Variants in ANKRD33 observed in about 807,000 individuals in gnomAD.
ANKRD33 encodes ankyrin repeat domain 33.
Under a neutral mutation model 20.6 loss-of-function variants are expected in ANKRD33, and 20 were observed. The ratio of observed to expected loss-of-function variants is 0.97; its 90% CI spans 0.68 to 1.41. ANKRD33 has a LOEUF of 1.41. Ranked by LOEUF, ANKRD33 falls within the 40% of genes most tolerant of loss-of-function variation. The pLI is 0.00. For missense variants in ANKRD33, 545 were observed against 579.6 expected (o/e 0.94, Z 0.61); for synonymous variants, 246 against 245.0 (o/e 1.00, Z -0.04).
rs1940425912 is a variant in ANKRD33 at position 51,891,407 on chromosome 12, A to G, written c.*102A>G. 1.4e-6 allele frequency: 2 copies of G among 1,462,672 alleles called. No individual in the cohort carries two copies. Among genetic ancestry groups the G allele is most frequent in the African/African-American group, 1.4e-5 (1 of 70,212 alleles). 90.6% of individuals were successfully genotyped at this position (1,462,672 alleles called of 1,614,324 possible). On this transcript the variant is annotated 3_prime_UTR_variant, in exon 5 of 5. Coordinates refer to ENST00000301190, the MANE Select transcript of ANKRD33 (RefSeq NM_182608.4). ...CGGCCTCCCCATCCACCTCTGCCTA[A>G]GTAAATCTGCTCTCAACCTATATAT...
rs768026956 is a variant in ANKRD33 at position 51,888,612 on chromosome 12, C to T, written c.190C>T (p.Leu64=). The T allele has an allele frequency of 6.4e-7, 1 of 1,574,488 alleles. No homozygotes were observed. The highest frequency in any genetic ancestry group is 1.4e-5 in the African/African-American group (1 of 73,308). The part of the protein sequence containing the change: ...RKGTHLLVPC[L]EEEELALHRR... ...AGGGACTCACCTTCTGGTTCCCTGC[C>T]TGGAAGAGGAAGAGCTGGCATTGCA... Residue 64 remains leucine (L), a synonymous_variant, in exon 2 of 5, where the codon CTG becomes TTG. Coordinates refer to ENST00000301190, the MANE Select transcript of ANKRD33 (RefSeq NM_182608.4).
chr12:51,888,793 C>T lies in ANKRD33; in HGVS notation c.371C>T (p.Ala124Val), dbSNP rs959416311. Residue 124 changes from alanine (A) to valine (V), a missense_variant, in exon 2 of 5, where the codon GCC becomes GTC. Ala to Val is a moderately conservative substitution (Grantham distance 64). Coordinates refer to ENST00000301190, the MANE Select transcript of ANKRD33 (RefSeq NM_182608.4). Reference sequence around the variant, plus strand: ...GATGGTGGGGTCTCCCCAGAGGAGGCCACCCAGGTGGACAGCAATGGGAGG... The same window carrying T: ...GATGGTGGGGTCTCCCCAGAGGAGGTCACCCAGGTGGACAGCAATGGGAGG... ...ILDGGVSPEE[A>V]TQVDSNGRTG... 3 of 1,613,638 alleles carry T rather than the reference C, an allele frequency of 1.9e-6. No homozygotes were observed. Among genetic ancestry groups the T allele is most frequent in the African/African-American group, 2.7e-5 (2 of 74,944 alleles).
chr12:51,888,755 C>T lies in ANKRD33; in HGVS notation c.333C>T (p.Leu111=). Residue 111 remains leucine (L), a synonymous_variant, in exon 2 of 5, where the codon CTC becomes CTT. Transcript: ENST00000301190. ...WACVHNDPTQ[L]QAILDGGVSP... is the part of the protein sequence containing the mutation. ...GTGTCCACAATGATCCCACCCAGCT[C>T]CAAGCCATACTGGATGGTGGGGTCT... is the stretch of plus-strand genomic sequence containing the variant. The T allele has an allele frequency of 6.2e-7, 1 of 1,614,052 alleles. No homozygotes were observed. The highest frequency in any genetic ancestry group is 1.1e-5 in the South Asian group (1 of 91,084).
intron 4 of ANKRD33, chr12:51,890,129 G>T: frequency 3.9e-6 from 1 of 259,698 alleles, no homozygotes; most frequent in Middle Eastern, 1.5e-3. Context: ...GAAAAAGGAG[G>T]GCGCTCTACA....
rs1003799045 is a variant in ANKRD33, at chr12:51,890,864, C to T, written c.918C>T (p.Asp306=). 1.9e-6 allele frequency: 3 copies of T among 1,613,210 alleles called. No homozygotes were observed. The South Asian group carries it at 3.3e-5, about 18-fold the overall frequency. Residue 306 remains aspartate (D), a synonymous_variant, in exon 5 of 5, where the codon GAC becomes GAT. Transcript: ENST00000301190. ...APSPQEGGVL[D]HLVTATTSLA... is the part of the protein sequence containing the mutation. The stretch of plus-strand genomic sequence containing the variant: ...CTCCTCAGGAGGGGGGTGTTCTGGA[C>T]CACCTTGTGACTGCCACAACCAGCC...
Position 51,889,428 on chromosome 12 carries a change from C to T in ANKRD33, c.583C>T (p.Arg195Cys), listed in dbSNP as rs1349800263. 6.2e-6 allele frequency: 10 copies of T among 1,614,064 alleles called. No individual in the cohort carries two copies. Among genetic ancestry groups the T allele is most frequent in the South Asian group, 5.5e-5 (5 of 91,078 alleles). The part of the protein sequence containing the change: ...LNYYVGLDLE[R>C]RDQRGLTALM... Reference sequence around the variant, plus strand: ...CTACTATGTGGGCCTGGACCTGGAACGCCGGGACCAGCGGGGGCTCACGGC... The same window carrying T: ...CTACTATGTGGGCCTGGACCTGGAATGCCGGGACCAGCGGGGGCTCACGGC... Residue 195 changes from arginine to cysteine, a missense_variant, in exon 4 of 5, where the codon CGC becomes TGC. Arg to Cys is a radical substitution (Grantham distance 180, BLOSUM62 -3). Coordinates refer to ENST00000301190, the MANE Select transcript of ANKRD33 (RefSeq NM_182608.4).
chr12:51,888,209 C>T lies in ANKRD33; in HGVS notation c.23C>T (p.Thr8Ile), dbSNP rs776330102. 24 of 1,614,066 alleles carry T rather than the reference C, an allele frequency of 1.5e-5. No homozygotes were observed. The highest frequency in any genetic ancestry group is 1.6e-4 in the Middle Eastern group (1 of 6,084). Residue 8 changes from threonine to isoleucine, a missense_variant, in exon 1 of 5, where the codon ACC (threonine) becomes ATC (isoleucine). Transcript: ENST00000301190. ...TTTATGAAAGTCCAGCCATCTGTTA[C>T]CTGCGTTGCTTCCTGGGGAGGGATA... is the stretch of plus-strand genomic sequence containing the variant. Reference protein sequence around the residue: MKVQPSVTCVASWGGIVH... With the variant: MKVQPSVICVASWGGIVH...
Position 51,888,234 on chromosome 12 carries a change from AG to A in ANKRD33, c.49del (p.Val17SerfsTer10). 1 of 1,614,138 alleles carries A rather than the reference AG, an allele frequency of 6.2e-7. No individual in the cohort carries two copies. The highest frequency in any genetic ancestry group is 8.5e-7 in the Non-Finnish European group (1 of 1,179,996). On this transcript the variant is annotated frameshift_variant, in exon 1 of 5. Coordinates refer to ENST00000301190, the MANE Select transcript of ANKRD33 (RefSeq NM_182608.4). ...CCTGCGTTGCTTCCTGGGGAGGGAT[AG>A]TCCACCTGGAGGCATTCGGAGACCC... ...VTCVASWGGIVHLEAFGDPVI... is the reference protein window; with the variant it reads ...VTCVASWGGIXHLEAFGDPVI...
chr12:51,891,096 C>G lies in ANKRD33; in HGVS notation c.1150C>G (p.Leu384Val), dbSNP rs1357512790. The G allele has an allele frequency of 6.2e-7, 1 of 1,614,146 alleles. No homozygotes were observed. ...QSPQGILSKCLQWLQPRDSTS... is the reference protein window; with the variant it reads ...QSPQGILSKCVQWLQPRDSTS... ...CCCTCAGGGCATATTGAGCAAGTGCCTTCAGTGGCTACAACCCAGGGATAG... is the reference window on the plus strand; with the variant it reads ...CCCTCAGGGCATATTGAGCAAGTGCGTTCAGTGGCTACAACCCAGGGATAG... The change falls in exon 5 of 5, where the codon CTT (leucine) becomes GTT (valine). Residue 384 changes from leucine to valine, a missense_variant. Physicochemically the swap from Leu to Val is conservative, Grantham distance 32 (BLOSUM62 1). Coordinates refer to ENST00000301190, the MANE Select transcript of ANKRD33 (RefSeq NM_182608.4).
intron 1 of ANKRD33, 21 bp from the exon 2 acceptor site, chr12:51,888,544 ACTC>A (rs1565583062): frequency 1.3e-6 from 2 of 1,544,954 alleles, no homozygotes; most frequent in South Asian, 1.3e-5. Context: ...GACACTCACT[ACTC>A]CTCTCCATTC....
In ANKRD33 at chr12:51,888,996, G is replaced by T. The variant is rs185884618; in HGVS notation, c.397-71G>T. 8.8e-5 allele frequency: 142 copies of T among 1,607,050 alleles called. No individual in the cohort carries two copies. In the East Asian group the frequency reaches 3.2e-3, roughly 36 times the overall value. On this transcript the variant is annotated intron_variant, in intron 2 of 4. Coordinates refer to ENST00000301190, the MANE Select transcript of ANKRD33 (RefSeq NM_182608.4). ...GGGGCAGGCTCTGGGACAGATATGG[G>T]TTTAGAGGGTGCAAGGGGCCCTGGA...
At position 51,888,346 on chromosome 12, in the gene ANKRD33, C is replaced by T. The variant is rs1381763544; in HGVS notation, c.145+15C>T. On this transcript the variant is annotated intron_variant, in intron 1 of 4. Transcript: ENST00000301190. ...ACGAACCCCAAGTAAGAAAAAACGA[C>T]GACCCTCTCTCCGTGAGTCTCACTG... The T allele has an allele frequency of 1.2e-6, 2 of 1,613,750 alleles. No individual in the cohort carries two copies. Among genetic ancestry groups the T allele is most frequent in the Non-Finnish European group, 1.7e-6 (2 of 1,180,006 alleles).
intron 4 of ANKRD33, chr12:51,889,932 G>C: frequency 8.8e-6 from 2 of 228,056 alleles, no homozygotes; most frequent in South Asian, 1.4e-4. Context: ...AAGTGTCGTT[G>C]AGGCCTGTGG....
At position 51,891,077 on chromosome 12, in the gene ANKRD33, G is replaced by A. The variant is rs777421059; in HGVS notation, c.1131G>A (p.Gln377=). 3.1e-6 allele frequency: 5 copies of A among 1,613,810 alleles called. No individual in the cohort carries two copies. The Admixed American group carries it at 8.3e-5, about 27-fold the overall frequency. Residue 377 remains glutamine, a synonymous_variant, in exon 5 of 5, where the codon CAG becomes CAA. Transcript: ENST00000301190. ...TCTTCGTCCCCTACCAGAGCCCTCAGGGCATATTGAGCAAGTGCCTTCAGT... is the reference window on the plus strand; with the variant it reads ...TCTTCGTCCCCTACCAGAGCCCTCAAGGCATATTGAGCAAGTGCCTTCAGT... The part of the protein sequence containing the change: ...PWVFVPYQSP[Q]GILSKCLQWL...
intron 4 of ANKRD33, chr12:51,889,910 G>C (rs1940356720): frequency 4.3e-6 from 1 of 231,530 alleles, no homozygotes; most frequent in African/African-American, 2.3e-5. Flanking sequence ...CAGGCTTCCA[G>C]GGGATCCAGG....
chr12:51,888,916 CTCCTGCAG>C, intron 2 of ANKRD33, 98 bp downstream of exon 2: 1 of 1,588,624 alleles, frequency 6.3e-7, no homozygotes, highest in South Asian at 1.1e-5. Context: ...GGGGCAATAC[CTCCTGCAG>C]TCCTAAGGAG....
Position 51,891,512 on chromosome 12 carries a change from G to A in ANKRD33, c.*207G>A, listed in dbSNP as rs748980454. ...CGAAGTGTCCATCAGTAAGGGACAG[G>A]CTAGATTGATTACGGATGTAATTGC... On this transcript the variant is annotated 3_prime_UTR_variant, in exon 5 of 5. Transcript: ENST00000301190. The A allele has an allele frequency of 9.9e-5, 81 of 816,508 alleles. No individual in the cohort carries two copies. The highest frequency in any genetic ancestry group is 3.5e-4 in the Admixed American group (12 of 34,022). 50.6% of individuals were successfully genotyped at this position (816,508 alleles called of 1,614,324 possible).
Position 51,890,658 on chromosome 12 carries a change from G to C in ANKRD33, c.712G>C (p.Asp238His). ...LEWAVLTDSF[D>H]TVWRIRQLLR... is the part of the protein sequence containing the mutation. ...ATGGGCAGTGCTGACCGACAGCTTC[G>C]ACACCGTGTGGAGGATTCGGCAGCT... Residue 238 changes from aspartate (D) to histidine (H), a missense_variant, in exon 5 of 5, where the codon GAC becomes CAC. Coordinates refer to ENST00000301190, the MANE Select transcript of ANKRD33 (RefSeq NM_182608.4). 1 of 1,607,778 alleles carries C rather than the reference G, an allele frequency of 6.2e-7. No homozygotes were observed. The highest frequency in any genetic ancestry group is 8.5e-7 in the Non-Finnish European group (1 of 1,180,002).
chr12:51,891,420 T>G lies in ANKRD33; in HGVS notation c.*115T>G, dbSNP rs571968160. ...CACCTCTGCCTAAGTAAATCTGCTC[T>G]CAACCTATATATATACAAGGTCATT... On this transcript the variant is annotated 3_prime_UTR_variant, in exon 5 of 5. Coordinates refer to ENST00000301190, the MANE Select transcript of ANKRD33 (RefSeq NM_182608.4). 3 of 1,419,692 alleles carry G rather than the reference T, an allele frequency of 2.1e-6. No individual in the cohort carries two copies. In the African/African-American group the frequency reaches 4.4e-5, roughly 21 times the overall value. 87.9% of individuals were successfully genotyped at this position (1,419,692 alleles called of 1,614,324 possible).
Sources: gnomAD v4.1 joint callset for allele counts on GRCh38, gnomAD v4.1.1 for gene constraint, MANE v1.5 for transcripts, NCBI Gene and HGNC (gene_info 2026-07-23, HGNC 2026-07-21) for gene names.